The following NREP variants were observed in gnomAD, a reference collection of about 807,000 sequenced individuals.
NREP encodes neuronal regeneration-related protein.
In NREP, 5 loss-of-function variants were observed where a neutral mutation model predicts 8.6. The observed-to-expected ratio is 0.58, with a 90% CI of 0.30 to 1.22. NREP has a LOEUF of 1.22. Among genes scored for constraint, NREP ranks in the 50% most tolerant of loss-of-function variants. The pLI is 0.07. For synonymous variants in NREP, 27 were observed against 28.0 expected (o/e 0.96, Z 0.11); for missense variants, 86 against 82.5 (o/e 1.04, Z -0.17).
At chr5:111,802,969 G>T (rs1253194129) in intron 2 of NREP, among the ~76,000 whole-genome samples, 1 of 152,180 alleles carries the variant, frequency 6.6e-6, no homozygotes, top group Non-Finnish European at 1.5e-5. Context: ...TTTGTTGGCT[G>T]ATTGACTGCA....
chr5:111,815,713 C>G (rs1056040751), intron 2 of NREP, among the ~76,000 whole-genome samples: 1 of 151,836 alleles, frequency 6.6e-6, no homozygotes, highest in Non-Finnish European at 1.5e-5. Flanking sequence ...CAAACCGAAG[C>G]ACAGAAAGAA....
At chr5:111,758,269 G>A (rs558582369), upstream of NREP, 41 of 985,436 alleles carry the variant, frequency 4.2e-5, no homozygotes, top group African/African-American at 7.0e-4. Flanking sequence ...CCAGAGCTGC[G>A]GCCTGGCGTG....
At chr5:111,948,637 G>A (rs1245113142) in intron 2 of NREP, among the ~76,000 whole-genome samples, 1 of 151,984 alleles carries the variant, frequency 6.6e-6, no homozygotes, top group African/African-American at 2.4e-5. Flanking sequence ...ATGCCTTTAT[G>A]GAAAAAATTT....
chr5:111,846,787 C>G (rs935480363), intron 2 of NREP, among the ~76,000 whole-genome samples: 1 of 152,086 alleles, frequency 6.6e-6, no homozygotes, highest in African/African-American at 2.4e-5. Context: ...TGGATTTGCT[C>G]CTTGTTTACC....
chr5:111,753,989 G>A (rs1750543292), intron 2 of NREP, among the ~76,000 whole-genome samples: 1 of 152,070 alleles, frequency 6.6e-6, no homozygotes, highest in Non-Finnish European at 1.5e-5. Context: ...AAAGTTACTT[G>A]GAATCACCCA....
At chr5:111,888,999 C>CA (rs1419546350) in intron 2 of NREP, among the ~76,000 whole-genome samples, 1 of 152,320 alleles carries the variant, frequency 6.6e-6, no homozygotes, top group East Asian at 1.9e-4. Flanking sequence ...TATGTCACAG[C>CA]AATCACTCAT....
At chr5:111,765,478 C>G (rs1032817481) in intron 2 of NREP, among the ~76,000 whole-genome samples, 4 of 152,198 alleles carry the variant, frequency 2.6e-5, no homozygotes, top group Non-Finnish European at 5.9e-5. Context: ...ACTGTTAGCT[C>G]AAGAACTATA....
At chr5:111,900,128 T>C (rs1288660288) in intron 2 of NREP, among the ~76,000 whole-genome samples, 1 of 151,774 alleles carries the variant, frequency 6.6e-6, no homozygotes, top group Non-Finnish European at 1.5e-5. Flanking sequence ...AACTAGAAAT[T>C]AATAACAAGA....
Position 111,975,295 on chromosome 5 carries a change from G to T in NREP, c.114C>A (p.Cys38Ter). Reference sequence around the variant, plus strand: ...TTACACAATTCAGAACAGAAATCTGGCAGTGAACCTGGAAACATTTGGAAC... The same window carrying T: ...TTACACAATTCAGAACAGAAATCTGTCAGTGAACCTGGAAACATTTGGAAC... Residue 38 changes from cysteine to a stop codon, truncating the protein, a stop_gained, in exon 2 of 4, where the codon TGC (cysteine) becomes TGA (stop). Transcript: ENST00000395634. LOFTEE classifies it high-confidence loss of function. 1 of 1,551,212 alleles carries T rather than the reference G, an allele frequency of 6.4e-7. No homozygotes were observed. The highest frequency in any genetic ancestry group is 8.7e-7 in the Non-Finnish European group (1 of 1,146,578).
At chr5:111,951,708 A>C (rs13188104) in intron 2 of NREP, among the ~76,000 whole-genome samples, 60,650 of 151,880 alleles carry the variant, frequency 0.4, 14,568 homozygotes, top group Non-Finnish European at 0.55. Flanking sequence ...CCCCTCAATA[A>C]TATAAAAATA....
At chr5:111,751,232 C>T (rs1224886407) in intron 2 of NREP, among the ~76,000 whole-genome samples, 1 of 152,150 alleles carries the variant, frequency 6.6e-6, no homozygotes, top group Non-Finnish European at 1.5e-5. Context: ...TGCATATGAT[C>T]CAACTAACAA....
intron 2 of NREP, among the ~76,000 whole-genome samples, chr5:111,777,845 G>C (rs1751401471): frequency 6.6e-6 from 1 of 152,010 alleles, no homozygotes; most frequent in Non-Finnish European, 1.5e-5. Context: ...TCTCCTAGTA[G>C]GTCCCATCAC....
chr5:111,800,447 C>T (rs535143058), intron 2 of NREP, among the ~76,000 whole-genome samples: 1 of 152,344 alleles, frequency 6.6e-6, no homozygotes, highest in African/African-American at 2.4e-5. Flanking sequence ...GTTTAATGCT[C>T]TGCTGTTGCT....
chr5:111,755,085 AGCT>A (rs1412975239), intron 2 of NREP, among the ~76,000 whole-genome samples: 1 of 152,216 alleles, frequency 6.6e-6, no homozygotes, highest in Non-Finnish European at 1.5e-5. Flanking sequence ...ATACTTATTC[AGCT>A]GCTTTTAATG....
intron 2 of NREP, among the ~76,000 whole-genome samples, chr5:111,798,857 G>A (rs922015142): frequency 6.6e-6 from 1 of 151,268 alleles, no homozygotes; most frequent in Non-Finnish European, 1.5e-5. Flanking sequence ...TCCATATTTT[G>A]CAAATGCAAA....
chr5:111,922,066 A>G (rs1755255160), intron 2 of NREP, among the ~76,000 whole-genome samples: 1 of 152,182 alleles, frequency 6.6e-6, no homozygotes, highest in Admixed American at 6.5e-5. Context: ...AGACTAATAC[A>G]ATTGGTAAGA....
intron 2 of NREP, among the ~76,000 whole-genome samples, chr5:111,869,039 G>C (rs1412432803): frequency 6.6e-6 from 1 of 152,182 alleles, no homozygotes; most frequent in Non-Finnish European, 1.5e-5. Flanking sequence ...CATAGAACAC[G>C]CATGCTCACT....
chr5:111,837,425 A>C (rs1374474518), intron 2 of NREP, among the ~76,000 whole-genome samples: 4 of 152,102 alleles, frequency 2.6e-5, no homozygotes, highest in Non-Finnish European at 5.9e-5. Flanking sequence ...AATTGATTGA[A>C]AGATATTGTA....
rs1752441598 is a variant in NREP at position 111,818,389 on chromosome 5, T to C, written c.136-82882A>G. Among the ~76,000 whole-genome samples the C allele has an allele frequency of 3.3e-5, 5 of 152,278 alleles. 1 individual carries two copies. In the South Asian group the frequency reaches 1.0e-3, roughly 32 times the overall value. On this transcript the variant is annotated intron_variant, in intron 2 of 3. Coordinates refer to the NREP transcript ENST00000395634. ...TGGCAGTGACGTGGTGTTATAGAGATATGGGTAAAATGAAGTCCTTGATTA... is the reference window on the plus strand; with the variant it reads ...TGGCAGTGACGTGGTGTTATAGAGACATGGGTAAAATGAAGTCCTTGATTA...
Sources: gnomAD v4.1 joint callset for allele counts (sites outside exome capture counted in the v4.1 genomes callset) on GRCh38, gnomAD v4.1.1 for gene constraint, MANE v1.5 for transcripts, NCBI Gene and HGNC (gene_info 2026-07-23, HGNC 2026-07-21) for gene names.